The following PVR variants were observed in gnomAD, a reference collection of about 807,000 sequenced individuals.
PVR encodes the protein poliovirus receptor.
A neutral mutation model predicts 43.3 loss-of-function variants in PVR; 39 were observed. The observed-to-expected ratio is 0.90, with a 90% CI of 0.70 to 1.18. The LOEUF (loss-of-function observed/expected upper bound fraction) is 1.18, where lower values mean the gene tolerates loss of function less well. PVR is among the 50% of genes most tolerant of loss of function. The pLI is 0.00. For synonymous variants in PVR, 224 were observed against 233.2 expected (o/e 0.96, Z 0.36); for missense variants, 480 against 549.7 (o/e 0.87, Z 1.27).
At position 44,662,070 on chromosome 19, in the gene PVR, T is replaced by C; in HGVS notation, c.*259T>C. Reference sequence around the variant, plus strand: ...GTTTATTACAGTAAAAGGACAGAGATTAAGATCAGCAAAGGGAGGAGGTGC... The same window carrying C: ...GTTTATTACAGTAAAAGGACAGAGACTAAGATCAGCAAAGGGAGGAGGTGC... On this transcript the variant is annotated 3_prime_UTR_variant, in exon 8 of 8. Transcript: ENST00000425690. The C allele has an allele frequency of 6.0e-6, 3 of 504,014 alleles. No homozygotes were observed. The highest frequency in any genetic ancestry group is 5.3e-5 in the South Asian group (2 of 38,006). 31.2% of individuals were successfully genotyped at this position (504,014 alleles called of 1,614,324 possible). A position where few individuals can be genotyped will look rare whatever the true frequency, so the allele number is the denominator to read the frequency against.
intron 3 of PVR, among the ~76,000 whole-genome samples, chr19:44,652,447 G>T (rs1030148625): frequency 6.6e-6 from 1 of 152,074 alleles, no homozygotes; most frequent in South Asian, 2.1e-4. Flanking sequence ...GCAGTGGCAC[G>T]ATCTCAACTC....
chr19:44,657,698 G>A, intron 4 of PVR, 64 bp from the exon 5 acceptor site: 1 of 1,562,734 alleles, frequency 6.4e-7, no homozygotes. Context: ...CGTAGTGCGT[G>A]CTCAATCACT....
intron 6 of PVR, among the ~76,000 whole-genome samples, chr19:44,660,667 C>T (rs916842077): frequency 1.3e-5 from 2 of 151,882 alleles, no homozygotes; most frequent in Non-Finnish European, 2.9e-5. Context: ...GGATTATAGG[C>T]GTGCACTCCC....
Position 44,664,791 on chromosome 19 carries a change from C to T in PVR, c.*2980C>T, listed in dbSNP as rs1973670408. The T allele has an allele frequency of 1.3e-5, 2 of 151,850 alleles. No homozygotes were observed. The highest frequency in any genetic ancestry group is 4.1e-4 in the South Asian group (2 of 4,822). 9.4% of individuals were successfully genotyped at this position (151,850 alleles called of 1,614,324 possible). On this transcript the variant is annotated 3_prime_UTR_variant, in exon 8 of 8. Transcript: ENST00000425690. Reference sequence around the variant, plus strand: ...CTCAAATTCCTGGGCCCAAACAATCCTCCCGCCTTGGCCTCCTAAAGTACT... The same window carrying T: ...CTCAAATTCCTGGGCCCAAACAATCTTCCCGCCTTGGCCTCCTAAAGTACT...
At position 44,649,862 on chromosome 19, in the gene PVR, G is replaced by A. The variant is rs777714377; in HGVS notation, c.481G>A (p.Val161Met). 1 of 1,614,116 alleles carries A rather than the reference G, an allele frequency of 6.2e-7. No individual in the cohort carries two copies. Among genetic ancestry groups the A allele is most frequent in the Non-Finnish European group, 8.5e-7 (1 of 1,180,008 alleles). Residue 161 changes from valine to methionine, a missense_variant, in exon 3 of 8, where the codon GTG becomes ATG. By Grantham distance (21) the Val-to-Met change is conservative (BLOSUM62 1). Transcript: ENST00000425690. Reference sequence around the variant, plus strand: ...GAAGGTCCAGCTCACTGGAGAGCCAGTGCCCATGGCCCGCTGCGTCTCCAC... The same window carrying A: ...GAAGGTCCAGCTCACTGGAGAGCCAATGCCCATGGCCCGCTGCGTCTCCAC... ...VQKVQLTGEP[V>M]PMARCVSTGG... is the part of the protein sequence containing the mutation.
chr19:44,657,999 TCTC>T, intron 5 of PVR, 89 bp downstream of exon 5: 2 of 1,399,762 alleles, frequency 1.4e-6, no homozygotes, highest in Non-Finnish European at 2.0e-6. Flanking sequence ...CTCCCATCCT[TCTC>T]CTAAGCCTTC....
In PVR at chr19:44,647,551, T is replaced by TA; in HGVS notation, c.409dup (p.Ile137AsnfsTer14). The TA allele has an allele frequency of 6.2e-7, 1 of 1,612,416 alleles. No individual in the cohort carries two copies. Among genetic ancestry groups the TA allele is most frequent in the Non-Finnish European group, 8.5e-7 (1 of 1,179,030 alleles). On this transcript the variant is annotated frameshift_variant, in exon 2 of 8. Transcript: ENST00000425690. LOFTEE classifies it high-confidence loss of function. ...TCCCGCAGGGCAGCAGGAGCGTGGA[T>TA]ATCTGGCTCCGAGTGCTTGGTGAGC...
rs187599272 is a variant in PVR, at chr19:44,653,108, G to A, written c.725-792G>A. Among the ~76,000 whole-genome samples, 422 of 152,098 alleles carry A rather than the reference G, an allele frequency of 2.8e-3. 3 individuals are homozygous for A. The highest frequency in any genetic ancestry group is 9.7e-3 in the African/African-American group (404 of 41,490). On this transcript the variant is annotated intron_variant, in intron 3 of 7. Transcript: ENST00000425690. ...CATACACAGAGCCTGTCTTAATTTCGTCAGCTCCCGGGGACACACTGTATA... is the reference window on the plus strand; with the variant it reads ...CATACACAGAGCCTGTCTTAATTTCATCAGCTCCCGGGGACACACTGTATA...
At chr19:44,657,121 G>A (rs1055781735) in intron 4 of PVR, among the ~76,000 whole-genome samples, 1 of 152,274 alleles carries the variant, frequency 6.6e-6, no homozygotes, top group African/African-American at 2.4e-5. Context: ...GGTGCCTAGG[G>A]GGAAAGCATT....
rs1254245292 is a variant in PVR, at chr19:44,665,892, CTT to C, written c.*4084_*4085del. 1 of 152,336 alleles carries C rather than the reference CTT, an allele frequency of 6.6e-6. No homozygotes were observed. The highest frequency in any genetic ancestry group is 1.5e-5 in the Non-Finnish European group (1 of 68,170). 9.4% of individuals were successfully genotyped at this position (152,336 alleles called of 1,614,324 possible). A position where few individuals can be genotyped will look rare whatever the true frequency, so the allele number is the denominator to read the frequency against. On this transcript the variant is annotated 3_prime_UTR_variant, in exon 8 of 8. Transcript: ENST00000425690. ...CAGCAGAAACCTCACCCAGCAGCGT[CTT>C]TTCCGGTCTCATTCACCAGCGCCGC...
In PVR at chr19:44,658,825, C is replaced by T. The variant is rs747522194; in HGVS notation, c.1075C>T (p.Leu359=). 10 of 1,613,840 alleles carry T rather than the reference C, an allele frequency of 6.2e-6. No homozygotes were observed. Among genetic ancestry groups the T allele is most frequent in the Non-Finnish European group, 8.5e-6 (10 of 1,179,836 alleles). Residue 359 remains leucine, a synonymous_variant, in exon 6 of 8, where the codon CTG becomes TTG. Transcript: ENST00000425690. The part of the protein sequence containing the change: ...VLGILVFLIL[L]GIGIYFYWSK... Reference sequence around the variant, plus strand: ...GGGAATCCTGGTTTTTCTGATCCTGCTGGGGATCGGGATTTATTTCTATTG... The same window carrying T: ...GGGAATCCTGGTTTTTCTGATCCTGTTGGGGATCGGGATTTATTTCTATTG...
intron 3 of PVR, among the ~76,000 whole-genome samples, chr19:44,650,632 G>A (rs111269903): frequency 0.049 from 7,226 of 146,832 alleles, 213 homozygotes; most frequent in Middle Eastern, 0.16. Context: ...GCATGTTCTC[G>A]GCTCACTGTA....
At chr19:44,652,809 C>G (rs1332257959) in intron 3 of PVR, among the ~76,000 whole-genome samples, 1 of 152,230 alleles carries the variant, frequency 6.6e-6, no homozygotes, top group Non-Finnish European at 1.5e-5. Flanking sequence ...GCCACTGTGC[C>G]TGGCCAAAAT....
At chr19:44,645,191 ATAT>A (rs1473825384) in intron 1 of PVR, among the ~76,000 whole-genome samples, 1 of 94,720 alleles carries the variant, frequency 1.1e-5, no homozygotes, top group Non-Finnish European at 1.9e-5. Context: ...TATTATTATA[ATAT>A]ATAATATGTA....
At chr19:44,657,673 G>A in intron 4 of PVR, 89 bp from the exon 5 acceptor site, 3 of 1,397,996 alleles carry the variant, frequency 2.1e-6, no homozygotes, top group Non-Finnish European at 3.0e-6. Context: ...TAGAGGGCGT[G>A]AGGGTTTCTG....
At chr19:44,645,678 C>T (rs2123744135) in intron 1 of PVR, among the ~76,000 whole-genome samples, 1 of 151,602 alleles carries the variant, frequency 6.6e-6, no homozygotes, top group East Asian at 1.9e-4. Context: ...AGGCTGGTTG[C>T]AGCCAAGCAC....
rs1568505180 is a variant in PVR at position 44,657,854 on chromosome 19, G to C, written c.935G>C (p.Cys312Ser). The C allele has an allele frequency of 6.2e-7, 1 of 1,613,928 alleles. No individual in the cohort carries two copies. The highest frequency in any genetic ancestry group is 2.2e-5 in the East Asian group (1 of 44,860). Reference protein sequence around the residue: ...VDKPINTTLICNVTNALGARQ... With the variant: ...VDKPINTTLISNVTNALGARQ... Reference sequence around the variant, plus strand: ...AAACCAATCAACACAACTTTAATCTGCAACGTCACCAATGCCCTAGGAGCT... The same window carrying C: ...AAACCAATCAACACAACTTTAATCTCCAACGTCACCAATGCCCTAGGAGCT... The change falls in exon 5 of 8, where the codon TGC (cysteine) becomes TCC (serine). Residue 312 changes from cysteine to serine, a missense_variant. Physicochemically the swap from Cys to Ser is moderately radical, Grantham distance 112 (BLOSUM62 -1). Coordinates refer to ENST00000425690, the MANE Select transcript of PVR (RefSeq NM_006505.5).
chr19:44,658,089 G>T (rs373051304), intron 5 of PVR, among the ~76,000 whole-genome samples, 179 bp downstream of exon 5: 1 of 152,198 alleles, frequency 6.6e-6, no homozygotes, highest in African/African-American at 2.4e-5. Flanking sequence ...TTGTTCAGCT[G>T]CCTGGATACA....
intron 2 of PVR, among the ~76,000 whole-genome samples, chr19:44,648,499 T>G (rs2123749904): frequency 6.6e-6 from 1 of 152,048 alleles, no homozygotes; most frequent in South Asian, 2.1e-4. Flanking sequence ...TTTTTTTTTT[T>G]TGAGATAGTT....
Sources: allele counts gnomAD v4.1 joint callset (sites outside exome capture counted in the v4.1 genomes callset), GRCh38; gene constraint gnomAD v4.1.1; transcripts MANE v1.5; gene names NCBI Gene and HGNC (gene_info 2026-07-23, HGNC 2026-07-21).